CTNNA3: variants seen among roughly 807,000 people sequenced by gnomAD.
CTNNA3 encodes the protein catenin alpha-3.
CTNNA3 carries 76 observed loss-of-function variants against 95.7 expected under a neutral mutation model. That is an observed-to-expected ratio of 0.79 (90% CI 0.66 to 0.96). The LOEUF is 0.96. CTNNA3 is among the 40% of genes least tolerant of loss of function. The pLI, the probability that CTNNA3 is intolerant of heterozygous loss-of-function variation, is 0.00. For synonymous variants in CTNNA3, 431 were observed against 374.4 expected (o/e 1.15, Z -1.74); for missense variants, 1,191 against 1,089.8 (o/e 1.09, Z -1.31).
At chr10:66,833,773 G>A (rs1392370191) in intron 7 of CTNNA3, among the ~76,000 whole-genome samples, 1 of 152,128 alleles carries the variant, frequency 6.6e-6, no homozygotes, top group Non-Finnish European at 1.5e-5. Flanking sequence ...CACCAAGAGA[G>A]CCCAACAGGG....
chr10:66,920,538 T>C (rs1041981159), intron 7 of CTNNA3, among the ~76,000 whole-genome samples: 1 of 152,228 alleles, frequency 6.6e-6, no homozygotes, highest in Non-Finnish European at 1.5e-5. Context: ...TTTGCTATTG[T>C]TTGGGGGCTA....
At chr10:66,938,848 C>G (rs141740957) in intron 7 of CTNNA3, among the ~76,000 whole-genome samples, 1 of 152,248 alleles carries the variant, frequency 6.6e-6, no homozygotes, top group East Asian at 1.9e-4. Flanking sequence ...ATATTTAAGT[C>G]TAGCTGCGAA....
rs546440896 is a variant in CTNNA3 at position 66,161,471 on chromosome 10, G to C, written c.1885-58222C>G. 1.4e-4 allele frequency among the ~76,000 whole-genome samples: 22 copies of C among 152,244 alleles called. No individual in the cohort carries two copies. The South Asian group carries it at 4.6e-3, about 32-fold the overall frequency. On this transcript the variant is annotated intron_variant, in intron 13 of 17. Coordinates refer to ENST00000433211, the MANE Select transcript of CTNNA3 (RefSeq NM_013266.4). The stretch of plus-strand genomic sequence containing the variant: ...TTCATGTATGATGCTTAGTTTCGCT[G>C]GATACAAAATTCTTGGCTGATAATT...
chr10:66,521,959 T>G (rs1841081825), intron 10 of CTNNA3, among the ~76,000 whole-genome samples: 1 of 152,204 alleles, frequency 6.6e-6, no homozygotes, highest in Non-Finnish European at 1.5e-5. Context: ...GTTTGGATAC[T>G]CATTGAGTGG....
chr10:67,302,043 G>GCT, intron 5 of CTNNA3, among the ~76,000 whole-genome samples: 1 of 122,954 alleles, frequency 8.1e-6, no homozygotes, highest in African/African-American at 4.0e-5. Flanking sequence ...AAGAAAGAAA[G>GCT]AAAGAAAGAA....
intron 11 of CTNNA3, among the ~76,000 whole-genome samples, chr10:66,416,461 C>G (rs1260118381): frequency 6.6e-6 from 1 of 151,778 alleles, no homozygotes; most frequent in Non-Finnish European, 1.5e-5. Flanking sequence ...CCAGCAGTCA[C>G]CAAACAGACA....
intron 13 of CTNNA3, among the ~76,000 whole-genome samples, chr10:66,166,570 CA>C (rs1384715484): frequency 1.3e-5 from 2 of 148,782 alleles, no homozygotes; most frequent in South Asian, 2.1e-4. Context: ...AAACAAAAAG[CA>C]AAAAACTGGT....
chr10:66,443,669 T>A (rs181386485), intron 11 of CTNNA3, among the ~76,000 whole-genome samples: 1 of 151,816 alleles, frequency 6.6e-6, no homozygotes, highest in Non-Finnish European at 1.5e-5. Context: ...CAAAAACCCA[T>A]CTGTACGTTG....
chr10:66,858,267 C>T (rs1209403099), intron 7 of CTNNA3, among the ~76,000 whole-genome samples: 1 of 151,756 alleles, frequency 6.6e-6, no homozygotes, highest in Non-Finnish European at 1.5e-5. Context: ...TGATCATGGT[C>T]GAATAGCTTT....
chr10:67,130,385 C>T (rs1859935507), intron 7 of CTNNA3, among the ~76,000 whole-genome samples: 1 of 152,056 alleles, frequency 6.6e-6, no homozygotes, highest in Admixed American at 6.6e-5. Flanking sequence ...AAGAGTAACC[C>T]ATAACTTTTG....
intron 11 of CTNNA3, among the ~76,000 whole-genome samples, chr10:66,427,280 C>A (rs2093250846): frequency 6.6e-6 from 1 of 151,694 alleles, no homozygotes; most frequent in Non-Finnish European, 1.5e-5. Context: ...CCATGTGTTT[C>A]TTGATTTTTA....
chr10:67,760,329 T>G (rs1197433792), intron 1 of CTNNA3, among the ~76,000 whole-genome samples: 1 of 152,190 alleles, frequency 6.6e-6, no homozygotes, highest in Non-Finnish European at 1.5e-5. Flanking sequence ...ACGTCTCAAT[T>G]TATATGCCAT....
intron 11 of CTNNA3, among the ~76,000 whole-genome samples, chr10:66,380,771 T>C (rs1392900321): frequency 6.6e-6 from 1 of 151,986 alleles, no homozygotes; most frequent in Non-Finnish European, 1.5e-5. Context: ...ATAATTGTTT[T>C]CTGTGTGTGT....
chr10:66,067,693 G>A (rs540680805), intron 15 of CTNNA3, among the ~76,000 whole-genome samples: 8 of 152,018 alleles, frequency 5.3e-5, no homozygotes, highest in Non-Finnish European at 7.4e-5. Flanking sequence ...TGAGGCGGGC[G>A]GATCACGAGG....
intron 5 of CTNNA3, among the ~76,000 whole-genome samples, chr10:67,425,012 GA>G (rs1845870470): frequency 6.6e-6 from 1 of 152,056 alleles, no homozygotes; most frequent in Non-Finnish European, 1.5e-5. Flanking sequence ...TGGGGGCTTA[GA>G]CATCAGTGTG....
chr10:67,030,005 C>T (rs527472128), intron 7 of CTNNA3, among the ~76,000 whole-genome samples: 1 of 152,286 alleles, frequency 6.6e-6, no homozygotes, highest in East Asian at 1.9e-4. Context: ...GATATTTGTG[C>T]CCTGTATTTC....
chr10:67,681,033 A>G (rs1410431303), intron 1 of CTNNA3, among the ~76,000 whole-genome samples: 1 of 152,240 alleles, frequency 6.6e-6, no homozygotes, highest in Non-Finnish European at 1.5e-5. Context: ...ACTGATATGA[A>G]AACAACTTTA....
chr10:66,060,963 GA>G (rs2080184484), intron 15 of CTNNA3, among the ~76,000 whole-genome samples: 1 of 152,050 alleles, frequency 6.6e-6, no homozygotes, highest in South Asian at 2.1e-4. Flanking sequence ...GAAAGAAAGT[GA>G]TTAGTACAAG....
At chr10:66,152,314 T>C (rs2084246826) in intron 13 of CTNNA3, among the ~76,000 whole-genome samples, 1 of 151,972 alleles carries the variant, frequency 6.6e-6, no homozygotes, top group Non-Finnish European at 1.5e-5. Context: ...CAGGCACTGA[T>C]AATACAGATA....
Sources: allele counts gnomAD v4.1 joint callset (sites outside exome capture counted in the v4.1 genomes callset), GRCh38; gene constraint gnomAD v4.1.1; transcripts MANE v1.5; gene names NCBI Gene and HGNC (gene_info 2026-07-23, HGNC 2026-07-21).